DTX3L: variants seen among roughly 807,000 people sequenced by gnomAD.
DTX3L encodes the protein E3 ubiquitin-protein ligase DTX3L.
DTX3L carries 34 observed loss-of-function variants against 60.9 expected under a neutral mutation model. The ratio of observed to expected loss-of-function variants is 0.56; its 90% CI spans 0.42 to 0.74. DTX3L has a LOEUF of 0.74. Ranked by LOEUF, DTX3L falls within the 30% of genes least tolerant of loss-of-function variation. The pLI, the probability that DTX3L is intolerant of heterozygous loss-of-function variation, is 0.00. For synonymous variants in DTX3L, 290 were observed against 316.6 expected (o/e 0.92, Z 0.89); for missense variants, 810 against 874.0 (o/e 0.93, Z 0.92).
At chr3:122,564,744 G>A in intron 1 of DTX3L, 131 bp downstream of exon 1, 1 of 1,165,750 alleles carries the variant, frequency 8.6e-7, no homozygotes, top group Non-Finnish European at 1.2e-6. Context: ...GGCGGACAGG[G>A]ACGGGGCCCT....
chr3:122,569,166 A>C lies in DTX3L; in HGVS notation c.1077A>C (p.Glu359Asp). ...CAGCTGCCAAACAAAAAATCTCTGA[A>C]GCTTTTGTCAAGATACCTGTGAAAC... ...DISAAKQKISEAFVKIPVKLF... is the reference protein window; with the variant it reads ...DISAAKQKISDAFVKIPVKLF... Residue 359 changes from glutamate to aspartate, a missense_variant, in exon 3 of 5, where the codon GAA (glutamate) becomes GAC (aspartate). Coordinates refer to ENST00000296161, the MANE Select transcript of DTX3L (RefSeq NM_138287.3). 6.2e-7 allele frequency: 1 copy of C among 1,614,202 alleles called. No individual in the cohort carries two copies. Among genetic ancestry groups the C allele is most frequent in the Non-Finnish European group, 8.5e-7 (1 of 1,180,028 alleles).
chr3:122,564,663 C>T, intron 1 of DTX3L, 50 bp downstream of exon 1: 1 of 1,550,440 alleles, frequency 6.4e-7, no homozygotes, highest in Non-Finnish European at 8.7e-7. Context: ...GCCCGGCCCC[C>T]GGGTTTCCAG....
Position 122,574,742 on chromosome 3 carries a change from GT to G in DTX3L, c.*2996del, listed in dbSNP as rs2080671141. On this transcript the variant is annotated 3_prime_UTR_variant, in exon 5 of 5. Coordinates refer to ENST00000296161, the MANE Select transcript of DTX3L (RefSeq NM_138287.3). ...CAGAGCTGTACTGTCTCCCATGAGG[GT>G]ACTTCTCCATGGAGCAGCCTGAGGC... 1 of 152,194 alleles carries G rather than the reference GT, an allele frequency of 6.6e-6. No homozygotes were observed. Among genetic ancestry groups the G allele is most frequent in the African/African-American group, 2.4e-5 (1 of 41,418 alleles). The allele number at this position is 152,194 out of a possible 1,614,324, so 9.4% of individuals were successfully genotyped here.
In DTX3L at chr3:122,569,439, A is replaced by G. The variant is rs1460244826; in HGVS notation, c.1350A>G (p.Arg450=). 4 of 1,614,056 alleles carry G rather than the reference A, an allele frequency of 2.5e-6. No homozygotes were observed. In the African/African-American group the frequency reaches 5.3e-5, roughly 22 times the overall value. The change falls in exon 3 of 5, where the codon AGA becomes AGG. Residue 450 remains arginine (R), a synonymous_variant. Coordinates refer to ENST00000296161, the MANE Select transcript of DTX3L (RefSeq NM_138287.3). ...AACATGCCTCATGTCAGTTGATGAGAGAAGTTCTTTTACTGAAGTCTTTGG... is the reference window on the plus strand; with the variant it reads ...AACATGCCTCATGTCAGTTGATGAGGGAAGTTCTTTTACTGAAGTCTTTGG... ...AFQHASCQLM[R]EVLLLKSLGK...
At chr3:122,567,024 C>T (rs963784407) in intron 2 of DTX3L, among the ~76,000 whole-genome samples, 3 of 152,030 alleles carry the variant, frequency 2.0e-5, no homozygotes, top group East Asian at 1.9e-4. Flanking sequence ...GATTTCTGGG[C>T]GGAAAGTGTC....
intron 1 of DTX3L, among the ~76,000 whole-genome samples, chr3:122,565,550 A>G (rs978562720): frequency 2.1e-3 from 252 of 121,048 alleles, no homozygotes; most frequent in Middle Eastern, 4.2e-3. Context: ...GAAGGAAGGG[A>G]GGGAGGGAGG....
In DTX3L at chr3:122,569,928, A is replaced by T; in HGVS notation, c.1839A>T (p.Gly613=). Residue 613 remains glycine, a synonymous_variant, in exon 3 of 5, where the codon GGA becomes GGT. Coordinates refer to ENST00000296161, the MANE Select transcript of DTX3L (RefSeq NM_138287.3). The part of the protein sequence containing the change: ...YGIQKGNQPE[G]SMVFTVSRDS... ...TTCAGAAAGGAAATCAGCCAGAGGG[A>T]AGCATGGTTTTCACTGTTTCAAGAG... The T allele has an allele frequency of 6.2e-7, 1 of 1,614,134 alleles. No individual in the cohort carries two copies. Among genetic ancestry groups the T allele is most frequent in the Non-Finnish European group, 8.5e-7 (1 of 1,180,002 alleles).
intron 2 of DTX3L, among the ~76,000 whole-genome samples, chr3:122,566,889 T>C (rs989702879): frequency 6.6e-6 from 1 of 152,080 alleles, no homozygotes; most frequent in Non-Finnish European, 1.5e-5. Context: ...ACAATAGATA[T>C]ATAATAAAAT....
At chr3:122,566,601 G>A (rs758283527) in intron 2 of DTX3L, among the ~76,000 whole-genome samples, 4 of 151,726 alleles carry the variant, frequency 2.6e-5, no homozygotes, top group African/African-American at 4.8e-5. Flanking sequence ...GGGCTCAAGC[G>A]ATCTGCCCGC....
In DTX3L at chr3:122,571,834, A is replaced by G. The variant is rs931259748; in HGVS notation, c.*87A>G. 2.7e-6 allele frequency: 3 copies of G among 1,129,462 alleles called. No individual in the cohort carries two copies. In the African/African-American group the frequency reaches 4.7e-5, roughly 18 times the overall value. The allele number at this position is 1,129,462 out of a possible 1,614,324, so 70.0% of individuals were successfully genotyped here. ...TTAATGCCAGTCTAAATCCTTATGT[A>G]GAAAGGACTTTGAAATTTTTCTTCT... On this transcript the variant is annotated 3_prime_UTR_variant, in exon 5 of 5. Transcript: ENST00000296161.
rs778756925 is a variant in DTX3L, at chr3:122,568,912, G to T, written c.823G>T (p.Val275Phe). 3 of 1,613,972 alleles carry T rather than the reference G, an allele frequency of 1.9e-6. No individual in the cohort carries two copies. The highest frequency in any genetic ancestry group is 2.7e-5 in the African/African-American group (2 of 74,924). Reference sequence around the variant, plus strand: ...AATCCAGGAGAGTTCTCCAAATATGGTCTGTTTAGATTTCACCTCAAGTCG... The same window carrying T: ...AATCCAGGAGAGTTCTCCAAATATGTTCTGTTTAGATTTCACCTCAAGTCG... The part of the protein sequence containing the change: ...IEIQESSPNM[V>F]CLDFTSSRSG... Residue 275 changes from valine to phenylalanine, a missense_variant, in exon 3 of 5, where the codon GTC (valine) becomes TTC (phenylalanine). Val to Phe is a conservative substitution (Grantham distance 50, BLOSUM62 -1). Coordinates refer to ENST00000296161, the MANE Select transcript of DTX3L (RefSeq NM_138287.3).
At position 122,574,022 on chromosome 3, in the gene DTX3L, G is replaced by A. The variant is rs1380369033; in HGVS notation, c.*2275G>A. 7 of 147,838 alleles carry A rather than the reference G, an allele frequency of 4.7e-5. No homozygotes were observed. The highest frequency in any genetic ancestry group is 1.0e-4 in the Non-Finnish European group (7 of 67,120). 9.2% of individuals were successfully genotyped at this position (147,838 alleles called of 1,614,324 possible). Reference sequence around the variant, plus strand: ...CTGGCTTTTTTTTTTTTTTTTGGTCGAGATGGGGTGTCCCTGTGTTGCCCA... The same window carrying A: ...CTGGCTTTTTTTTTTTTTTTTGGTCAAGATGGGGTGTCCCTGTGTTGCCCA... On this transcript the variant is annotated 3_prime_UTR_variant, in exon 5 of 5. Coordinates refer to ENST00000296161, the MANE Select transcript of DTX3L (RefSeq NM_138287.3).
chr3:122,566,193 A>G (rs1000819033), intron 2 of DTX3L, 123 bp downstream of exon 2: 8 of 794,930 alleles, frequency 1.0e-5, no homozygotes, highest in Non-Finnish European at 1.6e-5. Context: ...TGTTTTAGGC[A>G]CTGGACACAG....
chr3:122,568,780 C>T lies in DTX3L; in HGVS notation c.691C>T (p.Gln231Ter), dbSNP rs183975854. ...SPSEPETKAE[Q>*]KSNYFEVPLP... ...TTCTGAACCAGAAACCAAGGCAGAA[C>T]AAAAAAGCAACTATTTTGAAGTTCC... is the stretch of plus-strand genomic sequence containing the variant. Residue 231 changes from glutamine to a stop codon, truncating the protein, a stop_gained, in exon 3 of 5, where the codon CAA becomes TAA. Transcript: ENST00000296161. LOFTEE classifies it high-confidence loss of function. The T allele has an allele frequency of 1.9e-6, 3 of 1,613,942 alleles. No homozygotes were observed. Among genetic ancestry groups the T allele is most frequent in the African/African-American group, 2.7e-5 (2 of 75,016 alleles).
chr3:122,571,254 T>C lies in DTX3L; in HGVS notation c.2154-424T>C, dbSNP rs565745117. ...AAATCCTACTAGCATGTGATTACGA[T>C]GCCCCCCTAAAACACAGTATATTAT... On this transcript the variant is annotated intron_variant, in intron 4 of 4. Transcript: ENST00000296161. Among the ~76,000 whole-genome samples, 40 of 143,364 alleles carry C rather than the reference T, an allele frequency of 2.8e-4. 1 individual carries two copies. The highest frequency in any genetic ancestry group is 2.5e-3 in the Admixed American group (36 of 14,508). 94.1% of individuals were successfully genotyped at this position (143,364 alleles called of 152,430 possible). A position where few individuals can be genotyped will look rare whatever the true frequency, so the allele number is the denominator to read the frequency against.
Position 122,564,628 on chromosome 3 carries a change from G to T in DTX3L, c.187+15G>T. 6.3e-7 allele frequency: 1 copy of T among 1,578,480 alleles called. No individual in the cohort carries two copies. The highest frequency in any genetic ancestry group is 8.6e-7 in the Non-Finnish European group (1 of 1,164,808). ...TGAAAGGGCAGGTGAGCTTCGGGCG[G>T]CCAGGCTGCGAAAGCCCTCTGGGGG... On this transcript the variant is annotated intron_variant, in intron 1 of 4. Transcript: ENST00000296161.
chr3:122,571,026 C>T (rs2080642097), intron 4 of DTX3L, among the ~76,000 whole-genome samples: 1 of 152,108 alleles, frequency 6.6e-6, no homozygotes, highest in Admixed American at 6.5e-5. Context: ...TTTTTCACCC[C>T]TTCCCCCACC....
chr3:122,564,565 G>A lies in DTX3L; in HGVS notation c.139G>A (p.Glu47Lys), dbSNP rs762483575. 1.7e-5 allele frequency: 28 copies of A among 1,606,766 alleles called. No homozygotes were observed. The highest frequency in any genetic ancestry group is 2.3e-5 in the Non-Finnish European group (27 of 1,176,480). Residue 47 changes from glutamate (E) to lysine (K), a missense_variant, in exon 1 of 5, where the codon GAA becomes AAA. Coordinates refer to ENST00000296161, the MANE Select transcript of DTX3L (RefSeq NM_138287.3). Reference protein sequence around the residue: ...GGGECTVSTQEHEAPGTFRVE... With the variant: ...GGGECTVSTQKHEAPGTFRVE... ...CGGGGAGTGCACGGTCAGCACCCAGGAACACGAAGCCCCGGGCACCTTCCG... is the reference window on the plus strand; with the variant it reads ...CGGGGAGTGCACGGTCAGCACCCAGAAACACGAAGCCCCGGGCACCTTCCG...
At chr3:122,567,864 C>T (rs1418224953) in intron 2 of DTX3L, among the ~76,000 whole-genome samples, 3 of 152,204 alleles carry the variant, frequency 2.0e-5, no homozygotes, top group Non-Finnish European at 2.9e-5. Flanking sequence ...TAGAAATGCT[C>T]ATGCCCAGGC....
Sources: allele counts gnomAD v4.1 joint callset (sites outside exome capture counted in the v4.1 genomes callset), GRCh38; gene constraint gnomAD v4.1.1; transcripts MANE v1.5; gene names NCBI Gene and HGNC (gene_info 2026-07-23, HGNC 2026-07-21).